The following DNAH7 variants were observed in gnomAD, a reference collection of about 807,000 sequenced individuals.
The protein encoded by DNAH7 is axonemal beta dynein heavy chain 7.
In DNAH7, 397 loss-of-function variants were observed where a neutral mutation model predicts 444.6. The ratio of observed to expected loss-of-function variants is 0.89; its 90% CI spans 0.82 to 0.97. The LOEUF is 0.97. DNAH7 is among the 50% of genes least tolerant of loss of function. DNAH7 has a pLI of 0.00. For synonymous variants in DNAH7, 1,636 were observed against 1,624.4 expected, an observed-to-expected ratio of 1.01 and a Z score of -0.17; for missense variants, 4,902 against 4,800.8, an observed-to-expected ratio of 1.02 and a Z score of -0.62.
intron 19 of DNAH7, among the ~76,000 whole-genome samples, chr2:195,950,868 A>AAAAAACAAAAAC (rs1553575647): frequency 7.2e-6 from 1 of 138,152 alleles, no homozygotes; most frequent in Non-Finnish European, 1.6e-5. Context: ...AAAAAAAAAA[A>AAAAAACAAAAAC]AAAAAAAAAA....
chr2:195,969,943 TATACC>T lies in DNAH7; in HGVS notation c.2205_2205+4del. 1 of 1,598,862 alleles carries T rather than the reference TATACC, an allele frequency of 6.3e-7. No homozygotes were observed. The highest frequency in any genetic ancestry group is 8.5e-7 in the Non-Finnish European group (1 of 1,176,238). On this transcript the variant is annotated splice_donor_variant and splice_donor_region_variant and coding_sequence_variant and intron_variant, in exon 17 of 65. Coordinates refer to ENST00000312428, the MANE Select transcript of DNAH7 (RefSeq NM_018897.3). LOFTEE classifies it high-confidence loss of function. The stretch of plus-strand genomic sequence containing the variant: ...TTCATCTTTTTAAGAATTTTTGAAT[TATACC>T]TTATCTGCAGCTAAATCCAACTTTC...
At chr2:195,801,945 G>A (rs1696481486) in intron 54 of DNAH7, among the ~76,000 whole-genome samples, 1 of 152,054 alleles carries the variant, frequency 6.6e-6, no homozygotes, top group Admixed American at 6.5e-5. Context: ...GTATAGGTGA[G>A]CAACAACACA....
At chr2:195,995,560 G>A (rs1057161075) in intron 12 of DNAH7, 31 of 298,860 alleles carry the variant, frequency 1.0e-4, no homozygotes, top group Middle Eastern at 6.2e-4. Context: ...GGGCATTTCC[G>A]AAACCAACCT....
At chr2:195,882,678 C>T (rs892435703) in intron 35 of DNAH7, among the ~76,000 whole-genome samples, 9 of 152,148 alleles carry the variant, frequency 5.9e-5, no homozygotes, top group African/African-American at 2.2e-4. Flanking sequence ...GTGTTTATAA[C>T]AAAAACATTC....
intron 16 of DNAH7, among the ~76,000 whole-genome samples, chr2:195,970,765 A>T (rs1691787198): frequency 6.6e-6 from 1 of 152,190 alleles, no homozygotes; most frequent in African/African-American, 2.4e-5. Context: ...TAGCTCAATA[A>T]AATATTCAAA....
rs116582305 is a variant in DNAH7 at position 195,842,046 on chromosome 2, C to T, written c.8945+2956G>A. ...AAAACAGACAAGGAAAGGTGTTATT[C>T]TTCTCAGTTATTATTGCTACTGAAT... On this transcript the variant is annotated intron_variant, in intron 47 of 64. Transcript: ENST00000312428. 5.7e-3 allele frequency among the ~76,000 whole-genome samples: 863 copies of T among 152,114 alleles called. 8 individuals carry two copies. Among genetic ancestry groups the T allele is most frequent in the African/African-American group, 0.02 (824 of 41,544 alleles).
chr2:195,931,798 C>T (rs187554156), intron 21 of DNAH7, among the ~76,000 whole-genome samples: 5 of 152,286 alleles, frequency 3.3e-5, no homozygotes, highest in Admixed American at 3.3e-4. Flanking sequence ...GTTTTGGTAA[C>T]AGTGCCATGC....
At chr2:195,937,203 GAAT>G (rs1043733670) in intron 19 of DNAH7, among the ~76,000 whole-genome samples, 55 of 152,196 alleles carry the variant, frequency 3.6e-4, no homozygotes, top group African/African-American at 1.2e-3. Flanking sequence ...TTATTGTTAT[GAAT>G]AATAATAACA....
chr2:195,887,245 AT>A (rs1701759888), intron 33 of DNAH7, among the ~76,000 whole-genome samples: 1 of 152,132 alleles, frequency 6.6e-6, no homozygotes. Context: ...TATTATCTAA[AT>A]TCTCTGACAA....
chr2:195,926,905 A>G (rs544189276), intron 21 of DNAH7, among the ~76,000 whole-genome samples: 1 of 152,236 alleles, frequency 6.6e-6, no homozygotes, highest in South Asian at 2.1e-4. Flanking sequence ...ACTGCAAAAT[A>G]CAAATTCAAA....
At chr2:195,768,387 T>C (rs1694685142) in intron 61 of DNAH7, among the ~76,000 whole-genome samples, 1 of 151,756 alleles carries the variant, frequency 6.6e-6, no homozygotes, top group South Asian at 2.1e-4. Context: ...TCTTGGCATC[T>C]TTCCACATCA....
Position 195,988,013 on chromosome 2 carries a change from C to G in DNAH7, c.1570G>C (p.Asp524His). ...AGTTTCTGGTATTTGCAAATTTCAT[C>G]TATTATTTTTTCATAACTATGATTT... is the stretch of plus-strand genomic sequence containing the variant. ...AENHSYEKII[D>H]EICKYQKLIE... Residue 524 changes from aspartate (D) to histidine (H), a missense_variant, in exon 13 of 65, where the codon GAT becomes CAT. Asp to His is a moderately conservative substitution (Grantham distance 81). Transcript: ENST00000312428. 6.2e-7 allele frequency: 1 copy of G among 1,612,844 alleles called. No individual in the cohort carries two copies. Among genetic ancestry groups the G allele is most frequent in the Non-Finnish European group, 8.5e-7 (1 of 1,179,334 alleles).
chr2:195,765,713 A>G (rs1248796471), intron 61 of DNAH7, among the ~76,000 whole-genome samples: 1 of 152,052 alleles, frequency 6.6e-6, no homozygotes, highest in African/African-American at 2.4e-5. Flanking sequence ...CTTATATCCA[A>G]AAGACAGACA....
chr2:196,010,630 T>C (rs1021802921), intron 10 of DNAH7, among the ~76,000 whole-genome samples: 1 of 152,210 alleles, frequency 6.6e-6, no homozygotes, highest in African/African-American at 2.4e-5. Context: ...CTCCCATGTT[T>C]ATTGCAGCAC....
intron 17 of DNAH7, among the ~76,000 whole-genome samples, chr2:195,963,363 G>A (rs1263411058): frequency 1.3e-5 from 2 of 152,140 alleles, no homozygotes; most frequent in Admixed American, 1.3e-4. Flanking sequence ...GATAATCAAT[G>A]ATGTTGAACA....
At chr2:196,051,857 C>T (rs950733842) in intron 2 of DNAH7, among the ~76,000 whole-genome samples, 1 of 152,130 alleles carries the variant, frequency 6.6e-6, no homozygotes, top group Admixed American at 6.5e-5. Flanking sequence ...TAAGACACTG[C>T]CAGTGCCAAT....
Position 196,047,411 on chromosome 2 carries a change from C to A in DNAH7, c.339G>T (p.Lys113Asn). 6.2e-7 allele frequency: 1 copy of A among 1,601,864 alleles called. No individual in the cohort carries two copies. The highest frequency in any genetic ancestry group is 1.1e-5 in the South Asian group (1 of 88,638). The change falls in exon 5 of 65, where the codon AAG becomes AAT. Residue 113 changes from lysine to asparagine, a missense_variant. Lys to Asn is a moderately conservative substitution (Grantham distance 94, BLOSUM62 0). Coordinates refer to ENST00000312428, the MANE Select transcript of DNAH7 (RefSeq NM_018897.3). Reference protein sequence around the residue: ...SYVGPSTSKSKGKSPHKEREN... With the variant: ...SYVGPSTSKSNGKSPHKEREN... ...CTCGTTCTTTATGTGGAGATTTGCC[C>A]TTTGATTTGGAAGTAGATGGTCCAA...
intron 41 of DNAH7, 77 bp downstream of exon 41, chr2:195,864,072 G>T (rs1475715651): frequency 5.5e-6 from 8 of 1,456,000 alleles, no homozygotes; most frequent in Non-Finnish European, 7.5e-6. Flanking sequence ...TACAGGTTGG[G>T]AATCTATAAA....
chr2:195,865,078 T>C, intron 40 of DNAH7, 57 bp from the exon 41 acceptor site: 1 of 1,487,940 alleles, frequency 6.7e-7, no homozygotes, highest in Non-Finnish European at 8.9e-7. Flanking sequence ...TAAGAAAGTG[T>C]TATTATATCT....
Sources: gnomAD v4.1 joint callset for allele counts (sites outside exome capture counted in the v4.1 genomes callset) on GRCh38, gnomAD v4.1.1 for gene constraint, MANE v1.5 for transcripts, NCBI Gene and HGNC (gene_info 2026-07-23, HGNC 2026-07-21) for gene names.